DCDC1: variants seen among roughly 807,000 people sequenced by gnomAD.
DCDC1 encodes doublecortin domain containing 1.
Under a neutral mutation model 178.3 loss-of-function variants are expected in DCDC1, and 200 were observed. That is an observed-to-expected ratio of 1.12 (90% CI 1.00 to 1.26). The LOEUF (loss-of-function observed/expected upper bound fraction) is 1.26, where lower values mean the gene tolerates loss of function less well. DCDC1 is among the 50% of genes most tolerant of loss of function. DCDC1 has a pLI of 0.00. For synonymous variants in DCDC1, 690 were observed against 604.8 expected (o/e 1.14, Z -2.07); for missense variants, 1,983 against 1,749.2 (o/e 1.13, Z -2.38).
chr11:30,910,614 C>T (rs1482853598), intron 28 of DCDC1, among the ~76,000 whole-genome samples: 5 of 152,106 alleles, frequency 3.3e-5, no homozygotes, highest in Non-Finnish European at 7.4e-5. Flanking sequence ...ACAGAAAGTA[C>T]ATGCAAAGCA....
chr11:31,275,558 G>A (rs1336618359), intron 7 of DCDC1, among the ~76,000 whole-genome samples: 1 of 152,118 alleles, frequency 6.6e-6, no homozygotes, highest in Non-Finnish European at 1.5e-5. Context: ...AGGCTGGAGT[G>A]CAATGGCTTG....
chr11:30,988,539 C>G (rs1457967968), intron 20 of DCDC1, among the ~76,000 whole-genome samples: 1 of 152,130 alleles, frequency 6.6e-6, no homozygotes, highest in African/African-American at 2.4e-5. Flanking sequence ...CTGCTTCCCT[C>G]ACCCCACTCT....
At chr11:31,043,917 A>C in intron 20 of DCDC1, among the ~76,000 whole-genome samples, 1 of 151,916 alleles carries the variant, frequency 6.6e-6, no homozygotes, top group African/African-American at 2.4e-5. Flanking sequence ...TTAGAAGATA[A>C]ATCAAGAAAT....
chr11:31,213,278 T>A (rs986024865), intron 9 of DCDC1, among the ~76,000 whole-genome samples: 9 of 151,660 alleles, frequency 5.9e-5, no homozygotes, highest in Non-Finnish European at 1.2e-4. Flanking sequence ...TCGCCTCATG[T>A]CAAAATGATC....
chr11:31,037,472 A>G (rs1268040329), intron 20 of DCDC1, among the ~76,000 whole-genome samples: 2 of 141,054 alleles, frequency 1.4e-5, no homozygotes, highest in Admixed American at 7.6e-5. Context: ...TCGCTCTGTC[A>G]CCCAGGCTGG....
Position 31,232,876 on chromosome 11 carries a change from G to A in DCDC1, c.1221+8574C>T, listed in dbSNP as rs143193142. The stretch of plus-strand genomic sequence containing the variant: ...AGCTGAGGTGGGCAGATCATCTGAG[G>A]TAAGGAGTTCGAGACCAGCCTGGCC... On this transcript the variant is annotated intron_variant, in intron 9 of 38. Coordinates refer to ENST00000684477, the MANE Select transcript of DCDC1 (RefSeq NM_001387274.1). Among the ~76,000 whole-genome samples, 1,064 of 152,204 alleles carry A rather than the reference G, an allele frequency of 7.0e-3. 15 individuals are homozygous for A. Among genetic ancestry groups the A allele is most frequent in the African/African-American group, 0.024 (1,009 of 41,520 alleles).
At chr11:31,008,243 TAGAA>T (rs1951970548) in intron 20 of DCDC1, among the ~76,000 whole-genome samples, 1 of 151,964 alleles carries the variant, frequency 6.6e-6, no homozygotes, top group Non-Finnish European at 1.5e-5. Context: ...GAAGGAATAA[TAGAA>T]GGAGAGTTTG....
intron 9 of DCDC1, among the ~76,000 whole-genome samples, chr11:31,168,749 A>G (rs1309112357): frequency 6.6e-6 from 1 of 152,150 alleles, no homozygotes; most frequent in Non-Finnish European, 1.5e-5. Context: ...GACAGAAATA[A>G]TAATAGTACC....
intron 10 of DCDC1, among the ~76,000 whole-genome samples, chr11:31,135,292 C>A (rs1962988300): frequency 1.3e-5 from 2 of 152,118 alleles, no homozygotes; most frequent in Non-Finnish European, 2.9e-5. Flanking sequence ...ATTAGGATTT[C>A]CTTTCTCTGT....
At chr11:30,888,921 A>T (rs1224291461) in intron 36 of DCDC1, among the ~76,000 whole-genome samples, 1 of 152,214 alleles carries the variant, frequency 6.6e-6, no homozygotes, top group Non-Finnish European at 1.5e-5. Flanking sequence ...TTGTTTTCAT[A>T]GACCAGGTCT....
At chr11:31,146,072 T>TA (rs1565345320) in intron 9 of DCDC1, among the ~76,000 whole-genome samples, 2 of 141,428 alleles carry the variant, frequency 1.4e-5, no homozygotes, top group Non-Finnish European at 3.1e-5. Flanking sequence ...TTTAATCCAG[T>TA]CTTTTTTTTT....
chr11:30,912,509 G>C (rs1271282234), intron 27 of DCDC1, among the ~76,000 whole-genome samples: 3 of 151,936 alleles, frequency 2.0e-5, no homozygotes, highest in African/African-American at 7.3e-5. Context: ...GTCCAGCCAG[G>C]TGATCTCAGG....
intron 8 of DCDC1, among the ~76,000 whole-genome samples, chr11:31,262,171 G>C (rs545560870): frequency 3.7e-4 from 57 of 152,154 alleles, no homozygotes; most frequent in African/African-American, 1.3e-3. Flanking sequence ...AGAGGCTGAG[G>C]TGGGAGGATT....
intron 8 of DCDC1, among the ~76,000 whole-genome samples, chr11:31,264,136 G>T (rs1290588623): frequency 6.6e-6 from 1 of 152,166 alleles, no homozygotes; most frequent in Non-Finnish European, 1.5e-5. Flanking sequence ...ACATTTATGA[G>T]TGTCAGCTAT....
chr11:31,229,978 C>G (rs1262218600), intron 9 of DCDC1, among the ~76,000 whole-genome samples: 4 of 152,112 alleles, frequency 2.6e-5, no homozygotes, highest in African/African-American at 9.7e-5. Flanking sequence ...CTCACCACTA[C>G]TATTTAATAT....
intron 17 of DCDC1, among the ~76,000 whole-genome samples, chr11:31,078,902 A>T (rs1957014097): frequency 6.6e-6 from 1 of 150,840 alleles, no homozygotes; most frequent in Non-Finnish European, 1.5e-5. Flanking sequence ...TGTGGTTAAT[A>T]AGCCAAACTT....
chr11:31,321,520 C>G (rs531882196), intron 3 of DCDC1, among the ~76,000 whole-genome samples: 59 of 152,278 alleles, frequency 3.9e-4, no homozygotes, highest in African/African-American at 1.2e-3. Context: ...GGCTCGCGCA[C>G]GGTGCACACA....
intron 7 of DCDC1, chr11:31,280,719 CCTT>C: frequency 1.7e-6 from 1 of 580,470 alleles, no homozygotes; most frequent in African/African-American, 1.9e-5. Context: ...GCCCTTTCTG[CCTT>C]CTTCTTAATG....
chr11:31,121,695 C>T (rs1461776510), intron 11 of DCDC1, among the ~76,000 whole-genome samples: 1 of 151,800 alleles, frequency 6.6e-6, no homozygotes, highest in African/African-American at 2.4e-5. Context: ...GTTGAGACCA[C>T]TGCTCTACAA....
Sources: gnomAD v4.1 joint callset for allele counts (sites outside exome capture counted in the v4.1 genomes callset) on GRCh38, gnomAD v4.1.1 for gene constraint, MANE v1.5 for transcripts, NCBI Gene and HGNC (gene_info 2026-07-23, HGNC 2026-07-21) for gene names.